Variants in NRXN3 observed in about 807,000 individuals in gnomAD.
NRXN3 encodes neurexin 3.
In NRXN3, 32 loss-of-function variants were observed where a neutral mutation model predicts 137.6. That is an observed-to-expected ratio of 0.23 (90% CI 0.18 to 0.31). The LOEUF (loss-of-function observed/expected upper bound fraction) is 0.31. Among genes scored for constraint, NRXN3 ranks in the 10% least tolerant of loss-of-function variants. The pLI is 1.00. For synonymous variants in NRXN3, 798 were observed against 784.5 expected (o/e 1.02, Z -0.29); for missense variants, 1,574 against 2,062.5 (o/e 0.76, Z 4.59).
intron 16 of NRXN3, among the ~76,000 whole-genome samples, chr14:79,624,929 T>A (rs1362294744): frequency 6.6e-6 from 1 of 151,894 alleles, no homozygotes; most frequent in Non-Finnish European, 1.5e-5. Context: ...TCAGTGTCCT[T>A]AGTAGCTGAG....
chr14:78,915,362 AAAAAAAAAAAC>A (rs1204241898), intron 10 of NRXN3, among the ~76,000 whole-genome samples: 1 of 148,342 alleles, frequency 6.7e-6, no homozygotes, highest in African/African-American at 2.5e-5. Context: ...AAAAAAAAAA[AAAAAAAAAAAC>A]CACACAGAAA....
chr14:79,073,410 T>C (rs950116680), intron 15 of NRXN3, among the ~76,000 whole-genome samples: 2 of 152,134 alleles, frequency 1.3e-5, no homozygotes, highest in Non-Finnish European at 1.5e-5. Context: ...TAAAGACAAA[T>C]TGGCATTTAT....
rs879470516 is a variant in NRXN3 at position 78,283,511 on chromosome 14, AT to A, written c.727+4863del. ...CCTTTATGCATTGTCTCTGGCTAAC[AT>A]TTTTTTTTTTTTTGAGATGGAGTTT... is the stretch of plus-strand genomic sequence containing the variant. On this transcript the variant is annotated intron_variant, in intron 3 of 20. Transcript: ENST00000335750. 1,307 of 143,374 alleles carry A rather than the reference AT, an allele frequency of 9.1e-3. 12 individuals are homozygous for A. Among genetic ancestry groups the A allele is most frequent in the African/African-American group, 0.026 (1,031 of 39,276 alleles). The allele number at this position is 143,374 out of a possible 1,614,324, so 8.9% of individuals were successfully genotyped here. A position where few individuals can be genotyped will look rare whatever the true frequency, so the allele number is the denominator to read the frequency against.
intron 8 of NRXN3, among the ~76,000 whole-genome samples, chr14:78,771,551 G>A (rs934471066): frequency 2.0e-5 from 3 of 152,164 alleles, no homozygotes; most frequent in African/African-American, 7.2e-5. Flanking sequence ...GAATTGGGGA[G>A]GTAAAAATTA....
intron 1 of NRXN3, among the ~76,000 whole-genome samples, chr14:78,199,055 G>C (rs2061457813): frequency 6.6e-6 from 1 of 152,186 alleles, no homozygotes; most frequent in South Asian, 2.1e-4. Context: ...AAAGTGTTGA[G>C]ATCAGCAGAG....
Position 78,645,304 on chromosome 14 carries a change from G to T in NRXN3, c.942G>T (p.Ala314=), listed in dbSNP as rs753908120. The stretch of plus-strand genomic sequence containing the variant: ...TCAACCTGGCTCTGAAGGATGGTGC[G>T]GTCTCCTTGGTCATTAACCTGGGGT... ...DYVNLALKDG[A]VSLVINLGSG... is the part of the protein sequence containing the mutation. Residue 314 remains alanine, a synonymous_variant, in exon 5 of 21, where the codon GCG becomes GCT. Coordinates refer to ENST00000335750, the MANE Select transcript of NRXN3 (RefSeq NM_001330195.2). The T allele has an allele frequency of 5.0e-6, 8 of 1,598,718 alleles. 1 individual carries two copies. The highest frequency in any genetic ancestry group is 4.4e-5 in the South Asian group (4 of 91,002).
chr14:78,494,197 C>T (rs988089848), intron 4 of NRXN3, among the ~76,000 whole-genome samples: 3 of 152,136 alleles, frequency 2.0e-5, no homozygotes, highest in Non-Finnish European at 2.9e-5. Flanking sequence ...AACCAACCTT[C>T]GTGGAGCTGT....
At chr14:79,284,364 ATATATATATATATATATATATG>A (rs764061965) in intron 15 of NRXN3, among the ~76,000 whole-genome samples, 1,262 of 118,942 alleles carry the variant, frequency 0.011, 24 homozygotes, top group South Asian at 0.08. Context: ...ATATATATAT[ATATATATATATATATATATATG>A]TATCTCCAAT....
At chr14:78,719,797 A>T (rs945056646) in intron 8 of NRXN3, among the ~76,000 whole-genome samples, 1 of 152,158 alleles carries the variant, frequency 6.6e-6, no homozygotes, top group African/African-American at 2.4e-5. Flanking sequence ...AGCCAAGATC[A>T]TGCAGTTGCA....
intron 4 of NRXN3, among the ~76,000 whole-genome samples, chr14:78,456,844 T>G (rs958148398): frequency 1.5e-5 from 2 of 133,108 alleles, no homozygotes; most frequent in African/African-American, 5.1e-5. Context: ...TTTCTTTCTT[T>G]CTTTCTTTCT....
intron 15 of NRXN3, among the ~76,000 whole-genome samples, chr14:79,075,943 A>T (rs753987851): frequency 1.2e-4 from 19 of 152,166 alleles, no homozygotes; most frequent in Non-Finnish European, 2.4e-4. Context: ...GTTAGCTAAG[A>T]TGTGATCAAT....
chr14:78,182,896 G>A (rs1370432892), intron 1 of NRXN3, among the ~76,000 whole-genome samples: 1 of 152,218 alleles, frequency 6.6e-6, no homozygotes, highest in Non-Finnish European at 1.5e-5. Flanking sequence ...AAGCAGCTGG[G>A]TGTGGCAGAG....
In NRXN3 at chr14:78,202,563, T is replaced by C. The variant is rs189432981; in HGVS notation, c.-704+31889T>C. On this transcript the variant is annotated intron_variant, in intron 1 of 20. Coordinates refer to ENST00000335750, the MANE Select transcript of NRXN3 (RefSeq NM_001330195.2). Reference sequence around the variant, plus strand: ...CACCTGAAAGTCCCTCCTAGGTCTGTGAAAAATCTGTTAGATGGAAAAATA... The same window carrying C: ...CACCTGAAAGTCCCTCCTAGGTCTGCGAAAAATCTGTTAGATGGAAAAATA... Among the ~76,000 whole-genome samples, 452 of 152,220 alleles carry C rather than the reference T, an allele frequency of 3.0e-3. 5 individuals carry two copies. Among genetic ancestry groups the C allele is most frequent in the African/African-American group, 0.01 (427 of 41,532 alleles).
intron 1 of NRXN3, among the ~76,000 whole-genome samples, chr14:78,198,316 A>C (rs567412856): frequency 6.6e-6 from 1 of 152,304 alleles, no homozygotes; most frequent in East Asian, 1.9e-4. Flanking sequence ...GCCATGGCTT[A>C]TTATGGCAGA....
intron 15 of NRXN3, among the ~76,000 whole-genome samples, chr14:79,285,612 C>T (rs964639193): frequency 1.3e-5 from 2 of 152,174 alleles, no homozygotes; most frequent in Non-Finnish European, 2.9e-5. Flanking sequence ...CATAGGGTCT[C>T]ACCTTGATCT....
chr14:78,565,548 C>T (rs1355293824), intron 4 of NRXN3, among the ~76,000 whole-genome samples: 2 of 152,212 alleles, frequency 1.3e-5, no homozygotes, highest in African/African-American at 4.8e-5. Flanking sequence ...TCTGTCTCTG[C>T]CATTTACTAG....
At chr14:78,207,020 T>C (rs1293923159) in intron 1 of NRXN3, among the ~76,000 whole-genome samples, 1 of 152,078 alleles carries the variant, frequency 6.6e-6, no homozygotes, top group Non-Finnish European at 1.5e-5. Flanking sequence ...TGCACCACCA[T>C]GCCTGGCTAA....
At chr14:79,208,730 C>A (rs1279313512) in intron 15 of NRXN3, among the ~76,000 whole-genome samples, 2 of 151,948 alleles carry the variant, frequency 1.3e-5, no homozygotes, top group Non-Finnish European at 2.9e-5. Context: ...TCTATTATGA[C>A]AAAAAATGTT....
chr14:79,356,265 TG>T (rs2093418635), intron 15 of NRXN3, among the ~76,000 whole-genome samples: 1 of 152,208 alleles, frequency 6.6e-6, no homozygotes. Flanking sequence ...TTTCTCTTGC[TG>T]TCTTTTGTTT....
Sources: allele counts gnomAD v4.1 joint callset (sites outside exome capture counted in the v4.1 genomes callset), GRCh38; gene constraint gnomAD v4.1.1; transcripts MANE v1.5; gene names NCBI Gene and HGNC (gene_info 2026-07-23, HGNC 2026-07-21).